Variants in HNMT observed in about 807,000 individuals in gnomAD.
The protein encoded by HNMT is histamine N-methyltransferase.
A neutral mutation model predicts 32.1 loss-of-function variants in HNMT; 30 were observed. The observed-to-expected ratio is 0.93, with a 90% confidence interval of 0.70 to 1.27. The LOEUF (loss-of-function observed/expected upper bound fraction) is 1.27, where lower values mean the gene tolerates loss of function less well. Ranked by LOEUF, HNMT falls within the 50% of genes most tolerant of loss-of-function variation. HNMT has a pLI of 0.00. For missense variants in HNMT, 327 were observed against 346.0 expected (o/e 0.95, Z 0.43); for synonymous variants, 125 against 119.0 (o/e 1.05, Z -0.33).
Position 138,013,809 on chromosome 2 carries a change from C to A in HNMT, c.558C>A (p.Tyr186Ter). 6.2e-7 allele frequency: 1 copy of A among 1,613,096 alleles called. No individual in the cohort carries two copies. The highest frequency in any genetic ancestry group is 8.5e-7 in the Non-Finnish European group (1 of 1,179,492). Reference protein sequence around the residue: ...SSGWDKLWKKYGSRFPQDDLC... With the variant: ...SSGWDKLWKK ...GCTGGGACAAGCTGTGGAAAAAGTA[C>A]GGATCACGCTTTCCCCAGGATGACC... The change falls in exon 6 of 6, where the codon TAC (tyrosine) becomes TAA (stop). Residue 186 changes from tyrosine to a stop codon, truncating the protein, a stop_gained. Coordinates refer to ENST00000280097, the MANE Select transcript of HNMT (RefSeq NM_006895.3). LOFTEE classifies it high-confidence loss of function.
chr2:137,984,142 C>A (rs915480340), intron 2 of HNMT, among the ~76,000 whole-genome samples: 1 of 152,176 alleles, frequency 6.6e-6, no homozygotes, highest in Admixed American at 6.5e-5. Flanking sequence ...TCCCTTCTAT[C>A]CCAAGCAATG....
At chr2:138,002,785 A>C (rs1681214305) in intron 4 of HNMT, 1 of 973,768 alleles carries the variant, frequency 1.0e-6, no homozygotes, top group African/African-American at 1.8e-5. Flanking sequence ...TTATATAGAG[A>C]TTTGAGAATG....
rs114904264 is a variant in HNMT, at chr2:138,012,118, A to G, written c.524-1657A>G. 6.5e-4 allele frequency among the ~76,000 whole-genome samples: 99 copies of G among 152,328 alleles called. 1 individual carries two copies. The highest frequency in any genetic ancestry group is 2.3e-3 in the African/African-American group (97 of 41,588). ...AGAATGCAATCAGTGGAAATACACT[A>G]GCAAACTAATTCATGTATTTTATAA... On this transcript the variant is annotated intron_variant, in intron 5 of 5. Coordinates refer to ENST00000280097, the MANE Select transcript of HNMT (RefSeq NM_006895.3).
intron 5 of HNMT, among the ~76,000 whole-genome samples, chr2:138,008,326 T>A (rs1305442682): frequency 6.6e-6 from 1 of 152,064 alleles, no homozygotes; most frequent in African/African-American, 2.4e-5. Context: ...ATCTCTTTAT[T>A]TTTTATGGCT....
At chr2:137,966,029 T>C (rs1049207105) in intron 1 of HNMT, among the ~76,000 whole-genome samples, 1 of 152,208 alleles carries the variant, frequency 6.6e-6, no homozygotes, top group Non-Finnish European at 1.5e-5. Flanking sequence ...GTGTCATTTA[T>C]TTTTTTCCTG....
Position 137,967,692 on chromosome 2 carries a change from A to C in HNMT, c.138-2473A>C, listed in dbSNP as rs141311748. The stretch of plus-strand genomic sequence containing the variant: ...TTTTTCTGGAACTTTTATTCATCAA[A>C]TACTTCCTGGATTGATTACCTAATT... On this transcript the variant is annotated intron_variant, in intron 1 of 5. Transcript: ENST00000280097. 7.9e-5 allele frequency: 12 copies of C among 152,202 alleles called. No individual in the cohort carries two copies. The East Asian group carries it at 2.3e-3, about 29-fold the overall frequency. The allele number at this position is 152,202 out of a possible 1,614,324, so 9.4% of individuals were successfully genotyped here.
intron 2 of HNMT, among the ~76,000 whole-genome samples, chr2:137,984,602 T>C (rs546308875): frequency 6.6e-6 from 1 of 152,284 alleles, no homozygotes; most frequent in Non-Finnish European, 1.5e-5. Flanking sequence ...GCATGCAAAA[T>C]TCCCAAATTA....
chr2:137,988,653 T>C (rs1484454162), intron 2 of HNMT: 1 of 152,164 alleles, frequency 6.6e-6, no homozygotes, highest in Non-Finnish European at 1.5e-5. Flanking sequence ...GGTAGGCAGA[T>C]CACTTGAGGT....
rs183439371 is a variant in HNMT, at chr2:138,010,445, A to G, written c.524-3330A>G. Among the ~76,000 whole-genome samples, 783 of 116,760 alleles carry G rather than the reference A, an allele frequency of 6.7e-3. 8 individuals carry two copies. Among genetic ancestry groups the G allele is most frequent in the South Asian group, 0.04 (150 of 3,732 alleles). 76.6% of individuals were successfully genotyped at this position (116,760 alleles called of 152,430 possible). A position where few individuals can be genotyped will look rare whatever the true frequency, so the allele number is the denominator to read the frequency against. ...GGCTCAATAAAAAAGACACACGCACACACACACACACACACACACACACAC... is the reference window on the plus strand; with the variant it reads ...GGCTCAATAAAAAAGACACACGCACGCACACACACACACACACACACACAC... On this transcript the variant is annotated intron_variant, in intron 5 of 5. Transcript: ENST00000280097.
intron 2 of HNMT, among the ~76,000 whole-genome samples, chr2:137,985,889 A>G (rs887966531): frequency 6.6e-6 from 1 of 152,198 alleles, no homozygotes; most frequent in African/African-American, 2.4e-5. Context: ...AGTATCCTTG[A>G]ACCCAGGAGG....
chr2:137,970,277 C>A, intron 2 of HNMT, 60 bp downstream of exon 2: 6 of 909,636 alleles, frequency 6.6e-6, no homozygotes, highest in Non-Finnish European at 1.0e-5. Flanking sequence ...TGTGTGATGA[C>A]AATATTGTTC....
intron 2 of HNMT, among the ~76,000 whole-genome samples, chr2:137,971,916 A>G (rs952369056): frequency 6.6e-6 from 1 of 152,122 alleles, no homozygotes; most frequent in Non-Finnish European, 1.5e-5. Flanking sequence ...GTGATAGTTC[A>G]GTAATGGTTA....
chr2:137,987,915 G>A (rs564779138), intron 2 of HNMT, among the ~76,000 whole-genome samples: 1 of 152,240 alleles, frequency 6.6e-6, no homozygotes, highest in South Asian at 2.1e-4. Context: ...CTGCTTCTGG[G>A]CTCTGTGGGA....
intron 2 of HNMT, among the ~76,000 whole-genome samples, chr2:137,976,313 T>C (rs1377659127): frequency 7.5e-6 from 1 of 132,926 alleles, no homozygotes; most frequent in African/African-American, 2.7e-5. Flanking sequence ...AAATAGAAAA[T>C]AACTTCCACT....
chr2:137,970,331 G>A (rs1573641126), intron 2 of HNMT, 114 bp downstream of exon 2: 1 of 546,524 alleles, frequency 1.8e-6, no homozygotes, highest in East Asian at 3.0e-5. Flanking sequence ...GAAGAGATCG[G>A]CTTATTAAAA....
Position 138,015,143 on chromosome 2 carries a change from C to G in HNMT, c.*1013C>G, listed in dbSNP as rs1681625055. ...GAACTCCTATAAGACCAAGAGTCATCTTTGGACTGTAGGATTTCAGGGGGG... is the reference window on the plus strand; with the variant it reads ...GAACTCCTATAAGACCAAGAGTCATGTTTGGACTGTAGGATTTCAGGGGGG... On this transcript the variant is annotated 3_prime_UTR_variant, in exon 6 of 6. Coordinates refer to ENST00000280097, the MANE Select transcript of HNMT (RefSeq NM_006895.3). The G allele has an allele frequency of 6.6e-6, 1 of 151,986 alleles. No individual in the cohort carries two copies. The allele number at this position is 151,986 out of a possible 1,614,324, so 9.4% of individuals were successfully genotyped here. A position where few individuals can be genotyped will look rare whatever the true frequency, so the allele number is the denominator to read the frequency against.
chr2:137,968,192 T>C (rs1312775699), intron 1 of HNMT, among the ~76,000 whole-genome samples: 2 of 152,200 alleles, frequency 1.3e-5, no homozygotes, highest in African/African-American at 2.4e-5. Flanking sequence ...AAAATTATAG[T>C]AAATAACTAT....
chr2:137,998,988 CT>C (rs139331149), intron 2 of HNMT, among the ~76,000 whole-genome samples: 3 of 152,138 alleles, frequency 2.0e-5, no homozygotes, highest in East Asian at 1.9e-4. Flanking sequence ...TCTTAGTTGT[CT>C]TTTTTTCCCT....
intron 2 of HNMT, among the ~76,000 whole-genome samples, chr2:137,992,814 G>A (rs1680864557): frequency 6.6e-6 from 1 of 152,134 alleles, no homozygotes; most frequent in African/African-American, 2.4e-5. Context: ...AAGGTCAGAA[G>A]TCCCAGAAGA....
Sources: gnomAD v4.1 joint callset for allele counts (sites outside exome capture counted in the v4.1 genomes callset) on GRCh38, gnomAD v4.1.1 for gene constraint, MANE v1.5 for transcripts, NCBI Gene and HGNC (gene_info 2026-07-23, HGNC 2026-07-21) for gene names.